NTM: variants seen among roughly 807,000 people sequenced by gnomAD.
NTM encodes IgLON family member 2.
In NTM, 13 loss-of-function variants were observed where a neutral mutation model predicts 42.1. The ratio of observed to expected loss-of-function variants is 0.31; its 90% CI spans 0.20 to 0.49. NTM has a LOEUF of 0.49. Among genes scored for constraint, NTM ranks in the 20% least tolerant of loss-of-function variants. NTM has a pLI of 0.99. For missense variants in NTM, 373 were observed against 452.8 expected (o/e 0.82, Z 1.60); for synonymous variants, 187 against 179.2 (o/e 1.04, Z -0.35).
intron 1 of NTM, among the ~76,000 whole-genome samples, chr11:131,585,817 C>CT (rs1221191442): frequency 6.6e-6 from 1 of 152,004 alleles, no homozygotes; most frequent in Non-Finnish European, 1.5e-5. Context: ...GTGTCCTTTC[C>CT]TTTTTCCCAC....
At chr11:132,176,851 C>G (rs1181990644) in intron 3 of NTM, among the ~76,000 whole-genome samples, 1 of 151,100 alleles carries the variant, frequency 6.6e-6, no homozygotes, top group Non-Finnish European at 1.5e-5. Flanking sequence ...GCCTCAGCCT[C>G]CCAAGTAGCC....
At chr11:132,319,319 G>A (rs992864252) in intron 7 of NTM, among the ~76,000 whole-genome samples, 1 of 152,216 alleles carries the variant, frequency 6.6e-6, no homozygotes, top group African/African-American at 2.4e-5. Context: ...GCATGGCAAG[G>A]CATCGCCTTA....
At chr11:131,721,129 A>G (rs1469323931) in intron 1 of NTM, among the ~76,000 whole-genome samples, 1 of 101,288 alleles carries the variant, frequency 9.9e-6, no homozygotes, top group East Asian at 3.2e-4. Context: ...TATCTCTACA[A>G]AAAAAAAAAA....
At chr11:131,789,877 AC>A (rs1158284435) in intron 1 of NTM, among the ~76,000 whole-genome samples, 5 of 141,366 alleles carry the variant, frequency 3.5e-5, no homozygotes, top group Non-Finnish European at 7.6e-5. Context: ...AATGGCGTGA[AC>A]CCGGGAGGCG....
At chr11:131,865,486 T>G (rs941993512) in intron 1 of NTM, among the ~76,000 whole-genome samples, 9 of 152,216 alleles carry the variant, frequency 5.9e-5, no homozygotes, top group African/African-American at 1.9e-4. Context: ...AATTCCCTTG[T>G]GCTCTGCACT....
chr11:131,781,689 G>A (rs2136013468), intron 1 of NTM, among the ~76,000 whole-genome samples: 1 of 152,254 alleles, frequency 6.6e-6, no homozygotes, highest in South Asian at 2.1e-4. Flanking sequence ...CTAGAAACTG[G>A]CACAAAATAT....
chr11:131,812,600 C>A (rs1407502015), intron 1 of NTM, among the ~76,000 whole-genome samples: 2 of 151,932 alleles, frequency 1.3e-5, no homozygotes, highest in Non-Finnish European at 2.9e-5. Flanking sequence ...AAGGAAAGAG[C>A]CTCCCACCGG....
chr11:131,440,126 G>A (rs1949493203), intron 1 of NTM, among the ~76,000 whole-genome samples: 1 of 151,054 alleles, frequency 6.6e-6, no homozygotes, highest in Admixed American at 6.6e-5. Context: ...TATATTTTTT[G>A]TTCTGATTTC....
chr11:132,217,237 T>G (rs186796423), intron 4 of NTM, among the ~76,000 whole-genome samples: 2 of 152,270 alleles, frequency 1.3e-5, no homozygotes, highest in East Asian at 3.9e-4. Context: ...ATATGAAAAT[T>G]TGCCATTCCT....
At chr11:131,923,377 G>A (rs779997316) in intron 2 of NTM, among the ~76,000 whole-genome samples, 11 of 152,192 alleles carry the variant, frequency 7.2e-5, no homozygotes, top group Non-Finnish European at 1.6e-4. Flanking sequence ...GCTATTAATA[G>A]TGAAATTATT....
At chr11:131,821,536 A>G (rs756736114) in intron 1 of NTM, among the ~76,000 whole-genome samples, 2 of 152,242 alleles carry the variant, frequency 1.3e-5, no homozygotes, top group Non-Finnish European at 2.9e-5. Context: ...AACTTCTCAG[A>G]TGCTGTCTCC....
intron 1 of NTM, among the ~76,000 whole-genome samples, chr11:131,598,570 CA>C (rs2060015071): frequency 6.6e-6 from 1 of 152,148 alleles, no homozygotes; most frequent in Non-Finnish European, 1.5e-5. Context: ...CTCCATTAGT[CA>C]CTGGGGTCCC....
intron 1 of NTM, among the ~76,000 whole-genome samples, chr11:131,441,496 C>T (rs1482269201): frequency 1.3e-5 from 2 of 152,204 alleles, no homozygotes; most frequent in African/African-American, 2.4e-5. Context: ...CCACTCACAA[C>T]ACTATGGAAT....
intron 1 of NTM, among the ~76,000 whole-genome samples, chr11:131,671,829 T>A (rs1387086160): frequency 3.3e-5 from 5 of 152,114 alleles, no homozygotes; most frequent in Non-Finnish European, 7.3e-5. Context: ...CAATGATATT[T>A]GTTGGTTTGA....
intron 1 of NTM, among the ~76,000 whole-genome samples, chr11:131,430,004 AATGAAGCACTTAAGTTTT>A (rs1948521258): frequency 6.6e-6 from 1 of 152,190 alleles, no homozygotes; most frequent in Admixed American, 6.5e-5. Context: ...CCTAGTGTCG[AATGAAGCACTTAAGTTTT>A]GCTCCAAAGC....
At chr11:131,663,817 AT>A (rs1429615233) in intron 1 of NTM, among the ~76,000 whole-genome samples, 10 of 152,044 alleles carry the variant, frequency 6.6e-5, no homozygotes, top group Non-Finnish European at 1.0e-4. Context: ...GAGATTTCTT[AT>A]TTTCAAAGTA....
At chr11:131,604,356 T>C (rs981873556) in intron 1 of NTM, among the ~76,000 whole-genome samples, 1 of 152,204 alleles carries the variant, frequency 6.6e-6, no homozygotes, top group Non-Finnish European at 1.5e-5. Flanking sequence ...TCAGATCCTG[T>C]GACCATTTTT....
chr11:131,864,037 TAAG>T (rs1393653197), intron 1 of NTM, among the ~76,000 whole-genome samples: 1 of 151,736 alleles, frequency 6.6e-6, no homozygotes, highest in African/African-American at 2.4e-5. Context: ...GTGCCCAGCA[TAAG>T]AAGTCGGGGG....
intron 1 of NTM, among the ~76,000 whole-genome samples, chr11:131,791,554 G>T (rs1220014072): frequency 1.3e-5 from 2 of 152,120 alleles, no homozygotes; most frequent in Non-Finnish European, 2.9e-5. Flanking sequence ...ATCTGAGAAG[G>T]CCCCTCAGGC....
Sources: gnomAD v4.1 joint callset for allele counts (sites outside exome capture counted in the v4.1 genomes callset) on GRCh38, gnomAD v4.1.1 for gene constraint, MANE v1.5 for transcripts, NCBI Gene and HGNC (gene_info 2026-07-23, HGNC 2026-07-21) for gene names.